GPR158: variants seen among roughly 807,000 people sequenced by gnomAD.
GPR158 encodes the protein G protein-coupled receptor 158.
GPR158 carries 30 observed loss-of-function variants against 78.2 expected under a neutral mutation model. That is an observed-to-expected ratio of 0.38 (90% CI 0.29 to 0.52). GPR158 has a LOEUF of 0.52. Among genes scored for constraint, GPR158 ranks in the 20% least tolerant of loss-of-function variants. GPR158 has a pLI of 0.83. For synonymous variants in GPR158, 581 were observed against 591.1 expected, an observed-to-expected ratio of 0.98 and a Z score of 0.25; for missense variants, 1,463 against 1,523.5, an observed-to-expected ratio of 0.96 and a Z score of 0.66.
chr10:25,540,197 C>T (rs1836559112), intron 5 of GPR158, among the ~76,000 whole-genome samples: 1 of 145,812 alleles, frequency 6.9e-6, no homozygotes, highest in Admixed American at 6.8e-5. Context: ...AAAAAATGCT[C>T]ATCATCACTG....
intron 1 of GPR158, among the ~76,000 whole-genome samples, chr10:25,195,154 A>T (rs1224334916): frequency 1.5e-5 from 2 of 135,094 alleles, no homozygotes; most frequent in African/African-American, 6.5e-5. Flanking sequence ...TTATTATGTT[A>T]AAAAAAAAAA....
intron 5 of GPR158, among the ~76,000 whole-genome samples, chr10:25,481,116 A>G (rs185113159): frequency 6.6e-6 from 1 of 152,224 alleles, no homozygotes; most frequent in African/African-American, 2.4e-5. Context: ...GTACAAGAAG[A>G]GCTGAGGGAA....
At chr10:25,466,145 C>T in intron 4 of GPR158, 1 of 152,436 alleles carries the variant, frequency 6.6e-6, no homozygotes, top group East Asian at 1.9e-4. Context: ...AAACAGCAAC[C>T]CTTCCGGGTC....
chr10:25,555,152 G>A (rs1021417765), intron 6 of GPR158, among the ~76,000 whole-genome samples: 2 of 152,146 alleles, frequency 1.3e-5, no homozygotes, highest in Non-Finnish European at 2.9e-5. Flanking sequence ...AAGTCAGGTA[G>A]TGTGATGCCT....
At chr10:25,548,727 T>C (rs1046220399) in intron 5 of GPR158, among the ~76,000 whole-genome samples, 1 of 152,172 alleles carries the variant, frequency 6.6e-6, no homozygotes, top group African/African-American at 2.4e-5. Context: ...AGACTAAGAG[T>C]TACAGTCCAC....
chr10:25,355,875 T>C (rs138172725), intron 2 of GPR158, among the ~76,000 whole-genome samples: 65 of 152,042 alleles, frequency 4.3e-4, no homozygotes, highest in African/African-American at 1.5e-3. Context: ...TCCAATAGTG[T>C]GGAAATGCAG....
intron 4 of GPR158, among the ~76,000 whole-genome samples, chr10:25,447,549 G>A (rs1835154158): frequency 6.6e-6 from 1 of 152,160 alleles, no homozygotes; most frequent in African/African-American, 2.4e-5. Flanking sequence ...TGATCAGATA[G>A]GTGTAAATGA....
Position 25,466,736 on chromosome 10 carries a change from T to G in GPR158, c.1404+17T>G. 1 of 1,500,972 alleles carries G rather than the reference T, an allele frequency of 6.7e-7. No individual in the cohort carries two copies. Among genetic ancestry groups the G allele is most frequent in the Non-Finnish European group, 9.2e-7 (1 of 1,089,554 alleles). The allele number at this position is 1,500,972 out of a possible 1,614,324, so 93.0% of individuals were successfully genotyped here. A position where few individuals can be genotyped will look rare whatever the true frequency, so the allele number is the denominator to read the frequency against. Reference sequence around the variant, plus strand: ...TACTTTCCAGTAAGTAACAGAATTTTGTTTTTAAAGTAGAAATTTATTTTA... The same window carrying G: ...TACTTTCCAGTAAGTAACAGAATTTGGTTTTTAAAGTAGAAATTTATTTTA... On this transcript the variant is annotated intron_variant, in intron 5 of 10. Transcript: ENST00000376351.
At chr10:25,551,493 C>T (rs10828820) in intron 6 of GPR158, among the ~76,000 whole-genome samples, 38,894 of 152,100 alleles carry the variant, frequency 0.26, 9,402 homozygotes, top group African/African-American at 0.61. Flanking sequence ...TTCCCAAGTT[C>T]CATACCCCAA....
intron 4 of GPR158, among the ~76,000 whole-genome samples, chr10:25,446,192 A>G (rs1835136614): frequency 6.6e-6 from 1 of 152,210 alleles, no homozygotes; most frequent in South Asian, 2.1e-4. Context: ...AGAGAAAGTA[A>G]TGGAATTACT....
rs1855467575 is a variant in GPR158 at position 25,351,348 on chromosome 10, A to G, written c.1009-44563A>G. ...AGCCAGGCTGTGTGACAGCTTCAGCAGAAGGCAGTGGGTGGTGGTAATGGT... is the reference window on the plus strand; with the variant it reads ...AGCCAGGCTGTGTGACAGCTTCAGCGGAAGGCAGTGGGTGGTGGTAATGGT... On this transcript the variant is annotated intron_variant, in intron 2 of 10. Coordinates refer to ENST00000376351, the MANE Select transcript of GPR158 (RefSeq NM_020752.3). Among the ~76,000 whole-genome samples the G allele has an allele frequency of 1.3e-5, 2 of 151,556 alleles. 1 individual carries two copies. The highest frequency in any genetic ancestry group is 4.2e-4 in the South Asian group (2 of 4,816).
intron 2 of GPR158, among the ~76,000 whole-genome samples, chr10:25,241,177 CTT>C (rs58870410): frequency 1.2e-5 from 1 of 84,680 alleles, no homozygotes; most frequent in Admixed American, 1.1e-4. Context: ...TTCTTTCTTT[CTT>C]TCTTTCTTTC....
At chr10:25,299,984 G>A (rs1019414531) in intron 2 of GPR158, among the ~76,000 whole-genome samples, 1 of 151,912 alleles carries the variant, frequency 6.6e-6, no homozygotes, top group Non-Finnish European at 1.5e-5. Flanking sequence ...ATGCCGCCAC[G>A]CCCAGCTAGG....
chr10:25,469,598 C>A (rs1835467822), intron 5 of GPR158, among the ~76,000 whole-genome samples: 1 of 151,964 alleles, frequency 6.6e-6, no homozygotes, highest in African/African-American at 2.4e-5. Flanking sequence ...TCCTGTCTAA[C>A]ACGGTGAAAC....
Position 25,432,544 on chromosome 10 carries a change from G to T in GPR158, c.1335+20071G>T, listed in dbSNP as rs141769156. Among the ~76,000 whole-genome samples, 1,000 of 152,262 alleles carry T rather than the reference G, an allele frequency of 6.6e-3. 8 individuals are homozygous for T. The highest frequency in any genetic ancestry group is 0.012 in the Non-Finnish European group (800 of 68,014). Reference sequence around the variant, plus strand: ...GGAAAAATTATATGTTCAAAATTGGGTTAGGTCATCATGCATTGACATATG... The same window carrying T: ...GGAAAAATTATATGTTCAAAATTGGTTTAGGTCATCATGCATTGACATATG... On this transcript the variant is annotated intron_variant, in intron 4 of 10. Transcript: ENST00000376351.
chr10:25,318,145 T>C (rs1854887206), intron 2 of GPR158, among the ~76,000 whole-genome samples: 1 of 152,200 alleles, frequency 6.6e-6, no homozygotes, highest in Non-Finnish European at 1.5e-5. Context: ...ATAGTTTATT[T>C]AATGGATGGC....
intron 4 of GPR158, among the ~76,000 whole-genome samples, chr10:25,438,975 C>A (rs1173945461): frequency 6.6e-6 from 1 of 152,208 alleles, no homozygotes; most frequent in Non-Finnish European, 1.5e-5. Flanking sequence ...GATACAGCCA[C>A]ATTTGTTTGT....
rs537561409 is a variant in GPR158, at chr10:25,369,096, A to G, written c.1009-26815A>G. 2.6e-5 allele frequency among the ~76,000 whole-genome samples: 4 copies of G among 151,740 alleles called. No homozygotes were observed. In the East Asian group the frequency reaches 7.8e-4, roughly 30 times the overall value. On this transcript the variant is annotated intron_variant, in intron 2 of 10. Coordinates refer to ENST00000376351, the MANE Select transcript of GPR158 (RefSeq NM_020752.3). ...AGACAATGGGGTTTTCTAGATATAC[A>G]ATCATGTCATCTGCAAACAGGGACA...
chr10:25,577,980 T>C (rs1222346739), intron 7 of GPR158, among the ~76,000 whole-genome samples: 1 of 152,238 alleles, frequency 6.6e-6, no homozygotes, highest in African/African-American at 2.4e-5. Context: ...GACTTTTTCA[T>C]CTGGTGGAAA....
Sources: allele counts gnomAD v4.1 joint callset (sites outside exome capture counted in the v4.1 genomes callset), GRCh38; gene constraint gnomAD v4.1.1; transcripts MANE v1.5; gene names NCBI Gene and HGNC (gene_info 2026-07-23, HGNC 2026-07-21).